The following NUP153 variants were observed in gnomAD, a reference collection of about 807,000 sequenced individuals.
The protein encoded by NUP153 is nucleoporin 153.
Under a neutral mutation model 134.6 loss-of-function variants are expected in NUP153, and 27 were observed. That is an observed-to-expected ratio of 0.20 (90% CI 0.15 to 0.28). The LOEUF is 0.28. NUP153 is among the 10% of genes least tolerant of loss of function. NUP153 has a pLI of 1.00. For synonymous variants in NUP153, 640 were observed against 623.5 expected (o/e 1.03, Z -0.40); for missense variants, 1,821 against 1,731.3 (o/e 1.05, Z -0.92).
intron 1 of NUP153, among the ~76,000 whole-genome samples, chr6:17,704,477 T>C (rs1581794438): frequency 6.6e-6 from 1 of 152,298 alleles, no homozygotes; most frequent in East Asian, 1.9e-4. Flanking sequence ...GTAACTTCCA[T>C]TCTACAGACG....
chr6:17,636,072 G>A (rs1420589337), intron 16 of NUP153, among the ~76,000 whole-genome samples: 5 of 152,134 alleles, frequency 3.3e-5, no homozygotes, highest in Non-Finnish European at 5.9e-5. Flanking sequence ...GGTGGCTCAC[G>A]CCTGTAATCC....
chr6:17,663,797 G>T, intron 9 of NUP153, among the ~76,000 whole-genome samples: 1 of 152,080 alleles, frequency 6.6e-6, no homozygotes, highest in East Asian at 1.9e-4. Flanking sequence ...ATAAATACAA[G>T]TTAAATGACA....
At chr6:17,690,179 C>T (rs1184908194) in intron 1 of NUP153, among the ~76,000 whole-genome samples, 2 of 148,786 alleles carry the variant, frequency 1.3e-5, no homozygotes, top group African/African-American at 2.4e-5. Context: ...AGTGAAACCG[C>T]GTCTCTACTA....
chr6:17,669,532 T>C lies in NUP153; in HGVS notation c.867A>G (p.Arg289=). The C allele has an allele frequency of 6.2e-7, 1 of 1,611,798 alleles. No individual in the cohort carries two copies. Among genetic ancestry groups the C allele is most frequent in the Non-Finnish European group, 8.5e-7 (1 of 1,177,874 alleles). ...RNTPYQAPVR[R]QMKAKQLSAQ... ...CACTGAGTTGCTTAGCTTTCATTTG[T>C]CTTCTAACTGGTGCCTGTAAAGTAA... Residue 289 remains arginine, a synonymous_variant, in exon 6 of 22, where the codon AGA becomes AGG. Transcript: ENST00000262077.
At position 17,625,940 on chromosome 6, in the gene NUP153, C is replaced by A. The variant is rs748254522; in HGVS notation, c.3769G>T (p.Asp1257Tyr). ...STSQSLLFSQ[D>Y]SKLATTSSTG... ...CTGGATGTGGTTGCTAGTTTGCTAT[C>A]TTGAGAAAATAGCAAAGACTGAGAG... The change falls in exon 19 of 22, where the codon GAT becomes TAT. Residue 1257 changes from aspartate (D) to tyrosine (Y), a missense_variant. Asp to Tyr is a radical substitution (Grantham distance 160). Transcript: ENST00000262077. This position sits in a 1 kb window ranked among gnomAD's most constrained non-coding sequence, Gnocchi z 4.7. The A allele has an allele frequency of 8.7e-6, 14 of 1,614,032 alleles. No homozygotes were observed. Among genetic ancestry groups the A allele is most frequent in the Middle Eastern group, 1.6e-4 (1 of 6,084 alleles).
chr6:17,645,523 G>A (rs1766120103), intron 14 of NUP153, among the ~76,000 whole-genome samples: 1 of 144,538 alleles, frequency 6.9e-6, no homozygotes, highest in Admixed American at 7.0e-5. Flanking sequence ...GGATCGTCTT[G>A]AGCTTCTGGC....
At chr6:17,657,210 A>G (rs993859649) in intron 11 of NUP153, among the ~76,000 whole-genome samples, 1 of 151,920 alleles carries the variant, frequency 6.6e-6, no homozygotes, top group African/African-American at 2.4e-5. Flanking sequence ...GTTTATTAAT[A>G]TTAATAATAT....
intron 5 of NUP153, among the ~76,000 whole-genome samples, chr6:17,670,529 G>C (rs1267378803): frequency 6.6e-6 from 1 of 152,154 alleles, no homozygotes; most frequent in Non-Finnish European, 1.5e-5. Flanking sequence ...TGCATGCATT[G>C]ATTTCTGTGC....
Position 17,632,673 on chromosome 6 carries a change from G to A in NUP153, c.2636C>T (p.Pro879Leu), listed in dbSNP as rs374130734. The A allele has an allele frequency of 1.2e-6, 2 of 1,608,856 alleles. No homozygotes were observed. The highest frequency in any genetic ancestry group is 1.3e-5 in the African/African-American group (1 of 74,534). The change falls in exon 17 of 22, where the codon CCA becomes CTA. Residue 879 changes from proline (P) to leucine (L), a missense_variant. Transcript: ENST00000262077. ...TKCLACESAK[P>L]GTKSGFKGFD... ...ACCTTTAAACCCAGATTTTGTGCCTGGCTTTGCACTTTCACATGCCAAACA... is the reference window on the plus strand; with the variant it reads ...ACCTTTAAACCCAGATTTTGTGCCTAGCTTTGCACTTTCACATGCCAAACA...
intron 17 of NUP153, among the ~76,000 whole-genome samples, chr6:17,631,013 A>ATC (rs1416086390): frequency 6.6e-6 from 1 of 152,230 alleles, no homozygotes; most frequent in Non-Finnish European, 1.5e-5. Flanking sequence ...AAAGGGGAGC[A>ATC]TGAATTAACA....
rs150601952 is a variant in NUP153 at position 17,626,050 on chromosome 6, T to A, written c.3659A>T (p.Asn1220Ile). 1.9e-6 allele frequency: 3 copies of A among 1,614,116 alleles called. No individual in the cohort carries two copies. The highest frequency in any genetic ancestry group is 4.5e-5 in the East Asian group (2 of 44,878). ...GIFGSSTSSS[N>I]PPVATFVFGQ... is the part of the protein sequence containing the mutation. Reference sequence around the variant, plus strand: ...AAACACAAAGGTAGCCACAGGTGGATTGGAGGAAGAGGTGGAACTACCAAA... The same window carrying A: ...AAACACAAAGGTAGCCACAGGTGGAATGGAGGAAGAGGTGGAACTACCAAA... The change falls in exon 19 of 22, where the codon AAT becomes ATT. Residue 1220 changes from asparagine to isoleucine, a missense_variant. Asn to Ile is a moderately radical substitution (Grantham distance 149). Transcript: ENST00000262077.
intron 11 of NUP153, among the ~76,000 whole-genome samples, chr6:17,658,704 A>G (rs1415543160): frequency 6.6e-6 from 1 of 152,200 alleles, no homozygotes; most frequent in Non-Finnish European, 1.5e-5. Context: ...AAGCTGAGTG[A>G]AAATTTAAAA....
chr6:17,644,654 C>A (rs1766045491), intron 14 of NUP153, among the ~76,000 whole-genome samples: 1 of 151,916 alleles, frequency 6.6e-6, no homozygotes, highest in Non-Finnish European at 1.5e-5. Context: ...TATAAAAAAA[C>A]AAATTCGGCC....
chr6:17,666,421 A>G (rs1008982604), intron 8 of NUP153, among the ~76,000 whole-genome samples: 7 of 152,158 alleles, frequency 4.6e-5, no homozygotes, highest in African/African-American at 1.7e-4. Context: ...AGGCTGAGGC[A>G]GGAGAATCGT....
intron 8 of NUP153, among the ~76,000 whole-genome samples, chr6:17,666,946 AAG>A (rs1767571814): frequency 1.3e-5 from 2 of 152,302 alleles, no homozygotes; most frequent in African/African-American, 4.8e-5. Context: ...ACAACTCAAT[AAG>A]AGAGTCTATT....
intron 2 of NUP153, among the ~76,000 whole-genome samples, chr6:17,682,777 G>A (rs1236162426): frequency 1.3e-5 from 2 of 152,036 alleles, no homozygotes; most frequent in Admixed American, 1.3e-4. Flanking sequence ...AATTAGCTGG[G>A]TGTGGTGGCA....
intron 11 of NUP153, among the ~76,000 whole-genome samples, chr6:17,658,260 GT>G (rs1200122484): frequency 1.3e-5 from 2 of 152,224 alleles, no homozygotes; most frequent in Non-Finnish European, 2.9e-5. Context: ...AGCTGGGCCT[GT>G]GGCACATGCC....
Position 17,628,939 on chromosome 6 carries a change from A to G in NUP153, c.3260T>C (p.Val1087Ala). Residue 1087 changes from valine (V) to alanine (A), a missense_variant, in exon 18 of 22, where the codon GTG (valine) becomes GCG (alanine). Coordinates refer to ENST00000262077, the MANE Select transcript of NUP153 (RefSeq NM_005124.4). The surrounding 1 kb of genome is among the most constrained non-coding windows in gnomAD (Gnocchi z 5.4). The stretch of plus-strand genomic sequence containing the variant: ...GGCAGATGGCAGAGAGGCAGGCTCC[A>G]CGTTGCCAAAAGAGAATCCTCCTTT... ...ATKGGFSFGN[V>A]EPASLPSASV... 6.2e-7 allele frequency: 1 copy of G among 1,614,164 alleles called. No individual in the cohort carries two copies. The highest frequency in any genetic ancestry group is 8.5e-7 in the Non-Finnish European group (1 of 1,180,028).
At chr6:17,637,123 C>G (rs1302567848) in intron 16 of NUP153, 30 bp downstream of exon 16, 1 of 1,568,938 alleles carries the variant, frequency 6.4e-7, no homozygotes, top group Non-Finnish European at 8.7e-7. Context: ...AAGTAATAAG[C>G]AAAATTACTC....
Sources: gnomAD v4.1 joint callset for allele counts (sites outside exome capture counted in the v4.1 genomes callset) on GRCh38, gnomAD v4.1.1 for gene constraint, Gnocchi (gnomAD v3.1) non-coding constraint, MANE v1.5 for transcripts, NCBI Gene and HGNC (gene_info 2026-07-23, HGNC 2026-07-21) for gene names.